TUT4: variants seen among roughly 807,000 people sequenced by gnomAD.
TUT4 encodes terminal uridylyl transferase 4.
A neutral mutation model predicts 192.2 loss-of-function variants in TUT4; 36 were observed. The observed-to-expected ratio is 0.19, with a 90% CI of 0.14 to 0.25. The LOEUF is 0.25. Among genes scored for constraint, TUT4 ranks in the 10% least tolerant of loss-of-function variants. TUT4 has a pLI of 1.00. For synonymous variants in TUT4, 618 were observed against 666.0 expected, an observed-to-expected ratio of 0.93 and a Z score of 1.11; for missense variants, 1,493 against 1,957.2, an observed-to-expected ratio of 0.76 and a Z score of 4.47.
intron 5 of TUT4, 36 bp downstream of exon 5, chr1:52,496,970 G>A: frequency 6.3e-7 from 1 of 1,592,812 alleles, no homozygotes. Flanking sequence ...GAAGAGTTTT[G>A]TGATTTTCAA....
chr1:52,474,934 G>A lies in TUT4; in HGVS notation c.2625C>T (p.Asn875=), dbSNP rs1204016761. 6.2e-7 allele frequency: 1 copy of A among 1,614,166 alleles called. No individual in the cohort carries two copies. Among genetic ancestry groups the A allele is most frequent in the Non-Finnish European group, 8.5e-7 (1 of 1,180,036 alleles). ...VCTDTSATSC[N]CKATEDASDL... ...CAGAAGCATCTTCTGTAGCTTTGCA[G>A]TTGCAAGAGGTAGCAGATGTGTCGG... Residue 875 remains asparagine (N), a synonymous_variant, in exon 13 of 30, where the codon AAC becomes AAT. Coordinates refer to ENST00000257177, the MANE Select transcript of TUT4 (RefSeq NM_001009881.3).
chr1:52,424,371 G>A, intron 29 of TUT4: 1 of 239,816 alleles, frequency 4.2e-6, no homozygotes, highest in Admixed American at 5.1e-5. Context: ...ACAATACAGG[G>A]ATGCCCCAGT....
intron 4 of TUT4, among the ~76,000 whole-genome samples, chr1:52,498,812 C>T (rs965888775): frequency 5.5e-5 from 8 of 146,568 alleles, no homozygotes; most frequent in East Asian, 2.0e-4. Context: ...GTTTCAACCT[C>T]GGAGGTGGAG....
At chr1:52,425,630 G>A (rs574411963) in intron 28 of TUT4, 123 bp from the exon 29 acceptor site, 1 of 1,219,758 alleles carries the variant, frequency 8.2e-7, no homozygotes, top group African/African-American at 1.5e-5. Context: ...TAAATTCAGA[G>A]AATACCAAAC....
rs750887020 is a variant in TUT4 at position 52,481,579 on chromosome 1, T to G, written c.1692A>C (p.Glu564Asp). 3.7e-6 allele frequency: 6 copies of G among 1,613,734 alleles called. No homozygotes were observed. The Admixed American group carries it at 5.0e-5, about 13-fold the overall frequency. ...TACATTCCCACTTCACAAACTTCTC[T>G]TCTACTATGCCCTTCAGCTGAAAGT... ...MDDFQLKGIV[E>D]EKFVKWECNS... is the part of the protein sequence containing the mutation. Residue 564 changes from glutamate (E) to aspartate (D), a missense_variant, in exon 11 of 30, where the codon GAA becomes GAC. Coordinates refer to ENST00000257177, the MANE Select transcript of TUT4 (RefSeq NM_001009881.3).
At chr1:52,494,127 T>C (rs987584576) in intron 6 of TUT4, among the ~76,000 whole-genome samples, 7 of 152,108 alleles carry the variant, frequency 4.6e-5, no homozygotes, top group Admixed American at 2.0e-4. Context: ...TGTCAACAAA[T>C]CTTGTTCAAA....
chr1:52,517,932 C>T (rs1679140797), intron 2 of TUT4, among the ~76,000 whole-genome samples: 1 of 152,132 alleles, frequency 6.6e-6, no homozygotes, highest in Non-Finnish European at 1.5e-5. Flanking sequence ...GTAAAAGTAT[C>T]GTTTCTGCTA....
intron 24 of TUT4, among the ~76,000 whole-genome samples, chr1:52,442,346 T>C (rs1655904170): frequency 6.6e-6 from 1 of 152,068 alleles, no homozygotes; most frequent in Non-Finnish European, 1.5e-5. Context: ...ACAGGAAATA[T>C]ACTTATCTTT....
chr1:52,430,795 C>A (rs570841388), intron 28 of TUT4, among the ~76,000 whole-genome samples: 1 of 152,314 alleles, frequency 6.6e-6, no homozygotes, highest in East Asian at 1.9e-4. Flanking sequence ...GAAACCAATG[C>A]ACAAAGAGAT....
intron 1 of TUT4, among the ~76,000 whole-genome samples, chr1:52,531,276 G>C (rs369932728): frequency 1.3e-5 from 2 of 151,334 alleles, no homozygotes; most frequent in African/African-American, 2.4e-5. Flanking sequence ...CCCAGGCTGG[G>C]GTGCAGTGAT....
chr1:52,442,991 TAAAA>T (rs1370241597), intron 24 of TUT4, among the ~76,000 whole-genome samples: 15 of 152,150 alleles, frequency 9.9e-5, no homozygotes, highest in African/African-American at 3.6e-4. Flanking sequence ...AGCATTCTAC[TAAAA>T]AGTCTCGGAA....
At chr1:52,538,242 AT>A (rs1253580018) in intron 1 of TUT4, among the ~76,000 whole-genome samples, 10 of 152,222 alleles carry the variant, frequency 6.6e-5, no homozygotes, top group Non-Finnish European at 1.0e-4. Context: ...TCTCAAAAAA[AT>A]AAAATAAAAT....
chr1:52,445,054 T>C (rs1657136405), intron 24 of TUT4, among the ~76,000 whole-genome samples: 1 of 151,538 alleles, frequency 6.6e-6, no homozygotes, highest in African/African-American at 2.4e-5. Flanking sequence ...TGTGTGTGTC[T>C]GTGTATATAT....
chr1:52,497,448 T>C (rs897219342), intron 4 of TUT4, among the ~76,000 whole-genome samples: 1 of 152,224 alleles, frequency 6.6e-6, no homozygotes, highest in African/African-American at 2.4e-5. Flanking sequence ...AATTCTGAAA[T>C]GCTACATTAA....
At chr1:52,531,053 T>A (rs1315368823) in intron 1 of TUT4, among the ~76,000 whole-genome samples, 1 of 152,058 alleles carries the variant, frequency 6.6e-6, no homozygotes, top group Admixed American at 6.6e-5. Flanking sequence ...ACACTTTACT[T>A]GGTTGAAACA....
At chr1:52,442,176 A>C (rs1471234258) in intron 24 of TUT4, among the ~76,000 whole-genome samples, 2 of 150,866 alleles carry the variant, frequency 1.3e-5, no homozygotes, top group Non-Finnish European at 2.9e-5. Flanking sequence ...TCAAAAAAAA[A>C]AAAAAAAGCC....
At chr1:52,494,166 C>T (rs769684504) in intron 6 of TUT4, among the ~76,000 whole-genome samples, 11 of 151,948 alleles carry the variant, frequency 7.2e-5, no homozygotes, top group Non-Finnish European at 1.3e-4. Flanking sequence ...TGATATAGCA[C>T]TTTTATTCCA....
intron 4 of TUT4, among the ~76,000 whole-genome samples, chr1:52,505,153 G>A (rs1391839241): frequency 1.3e-5 from 2 of 152,060 alleles, no homozygotes; most frequent in African/African-American, 4.8e-5. Flanking sequence ...AAGAACCACC[G>A]TACTCTTTTC....
chr1:52,463,265 C>T, intron 16 of TUT4: 2 of 988,128 alleles, frequency 2.0e-6, no homozygotes, highest in Non-Finnish European at 1.2e-6. Flanking sequence ...AAATCATTTC[C>T]TATTCCCTCA....
Sources: allele counts gnomAD v4.1 joint callset (sites outside exome capture counted in the v4.1 genomes callset), GRCh38; gene constraint gnomAD v4.1.1; transcripts MANE v1.5; gene names NCBI Gene and HGNC (gene_info 2026-07-23, HGNC 2026-07-21).